KCNH1: variants seen among roughly 807,000 people sequenced by gnomAD.
KCNH1 encodes the protein potassium voltage-gated channel subfamily H member 1, also known as voltage-gated delayed rectifier potassium channel KCNH1.
In KCNH1, 27 loss-of-function variants were observed where a neutral mutation model predicts 69.2. That is an observed-to-expected ratio of 0.39 (90% confidence interval 0.29 to 0.54). The LOEUF (loss-of-function observed/expected upper bound fraction) is 0.54. Ranked by LOEUF, KCNH1 falls within the 20% of genes least tolerant of loss-of-function variation. The pLI, the probability that KCNH1 is intolerant of heterozygous loss-of-function variation, is 0.68. For missense variants in KCNH1, 798 were observed against 1,261.6 expected (o/e 0.63, Z 5.57); for synonymous variants, 456 against 487.7 (o/e 0.93, Z 0.86).
At chr1:210,795,782 A>G (rs559536425) in intron 9 of KCNH1, among the ~76,000 whole-genome samples, 1 of 152,220 alleles carries the variant, frequency 6.6e-6, no homozygotes, top group South Asian at 2.1e-4. Flanking sequence ...ACATGTCTGC[A>G]ATCTCTACCA....
intron 5 of KCNH1, among the ~76,000 whole-genome samples, chr1:211,058,268 G>A (rs1248993085): frequency 1.3e-5 from 2 of 152,160 alleles, no homozygotes; most frequent in Non-Finnish European, 2.9e-5. Flanking sequence ...GAAATTATCT[G>A]AAGGTACAAA....
intron 6 of KCNH1, among the ~76,000 whole-genome samples, chr1:211,010,123 A>G (rs1261661350): frequency 6.6e-6 from 1 of 152,190 alleles, no homozygotes; most frequent in Non-Finnish European, 1.5e-5. Context: ...TTCTCCAGTC[A>G]CATTCAGGGA....
At chr1:211,037,896 T>C (rs1012201644) in intron 5 of KCNH1, among the ~76,000 whole-genome samples, 5 of 152,060 alleles carry the variant, frequency 3.3e-5, no homozygotes, top group African/African-American at 9.7e-5. Flanking sequence ...ATTCTCATTA[T>C]AGTGAATAAG....
intron 6 of KCNH1, among the ~76,000 whole-genome samples, chr1:210,988,576 T>C (rs1181842690): frequency 6.6e-6 from 1 of 152,246 alleles, no homozygotes; most frequent in Non-Finnish European, 1.5e-5. Context: ...TATCTCCTGA[T>C]AGCAGGATAA....
chr1:210,874,230 A>C (rs977961781), intron 7 of KCNH1, among the ~76,000 whole-genome samples: 5 of 152,252 alleles, frequency 3.3e-5, no homozygotes, highest in African/African-American at 1.2e-4. Context: ...CAGGAAAGAC[A>C]GAAGAAACCT....
intron 10 of KCNH1, among the ~76,000 whole-genome samples, chr1:210,750,793 A>G (rs775919504): frequency 1.3e-5 from 2 of 152,136 alleles, no homozygotes; most frequent in Non-Finnish European, 2.9e-5. Context: ...TGTATCTTAC[A>G]CTCTCCAGAG....
intron 6 of KCNH1, among the ~76,000 whole-genome samples, chr1:211,002,567 C>G (rs1689209004): frequency 6.6e-6 from 1 of 151,804 alleles, no homozygotes; most frequent in Non-Finnish European, 1.5e-5. Flanking sequence ...AATAATTATC[C>G]TTAACATACT....
At chr1:210,770,444 C>T (rs1313671736) in intron 10 of KCNH1, among the ~76,000 whole-genome samples, 1 of 152,240 alleles carries the variant, frequency 6.6e-6, no homozygotes, top group Non-Finnish European at 1.5e-5. Flanking sequence ...AACTGAGGCT[C>T]TGAATGGTTA....
In KCNH1 at chr1:210,683,624, T is replaced by G; in HGVS notation, c.2627A>C (p.Lys876Thr). 2 of 1,614,212 alleles carry G rather than the reference T, an allele frequency of 1.2e-6. No individual in the cohort carries two copies. The highest frequency in any genetic ancestry group is 1.7e-6 in the Non-Finnish European group (2 of 1,180,036). ...GATGCCACTGTCACACGAGTCTGTCTTCTTCAGTGTGGCCTCGCCTGACGC... is the reference window on the plus strand; with the variant it reads ...GATGCCACTGTCACACGAGTCTGTCGTCTTCAGTGTGGCCTCGCCTGACGC... The part of the protein sequence containing the change: ...TKASGEATLK[K>T]TDSCDSGITK... Residue 876 changes from lysine (K) to threonine (T), a missense_variant, in exon 11 of 11, where the codon AAG becomes ACG. This residue lies in a region of KCNH1 where 331 missense variants were observed against 363.2 expected (regional missense o/e 0.91). Coordinates refer to ENST00000271751, the MANE Select transcript of KCNH1 (RefSeq NM_172362.3). This position sits in a 1 kb window ranked among gnomAD's most constrained non-coding sequence, Gnocchi z 5.7.
chr1:210,982,259 G>T (rs1688726508), intron 6 of KCNH1, among the ~76,000 whole-genome samples: 1 of 151,364 alleles, frequency 6.6e-6, no homozygotes, highest in Non-Finnish European at 1.5e-5. Flanking sequence ...TAAAGTTTTA[G>T]GGTACATAAG....
At position 210,683,254 on chromosome 1, in the gene KCNH1, C is replaced by T; in HGVS notation, c.*27G>A. The T allele has an allele frequency of 6.2e-7, 1 of 1,602,592 alleles. No individual in the cohort carries two copies. The highest frequency in any genetic ancestry group is 1.1e-5 in the South Asian group (1 of 89,584). On this transcript the variant is annotated 3_prime_UTR_variant, in exon 11 of 11. Transcript: ENST00000271751. The surrounding 1 kb of genome is among the most constrained non-coding windows in gnomAD (Gnocchi z 5.7). ...TGACGGCAGGGTTGGAGGTATCTGTCTCTGACTTTTTTTTTAAATAGACCT... is the reference window on the plus strand; with the variant it reads ...TGACGGCAGGGTTGGAGGTATCTGTTTCTGACTTTTTTTTTAAATAGACCT...
chr1:211,062,394 A>T (rs1031485131), intron 5 of KCNH1, among the ~76,000 whole-genome samples: 1 of 152,200 alleles, frequency 6.6e-6, no homozygotes, highest in African/African-American at 2.4e-5. Context: ...TCTCCAATAC[A>T]TTGGACTGGG....
At chr1:210,933,206 C>T (rs943568035) in intron 6 of KCNH1, among the ~76,000 whole-genome samples, 4 of 152,142 alleles carry the variant, frequency 2.6e-5, no homozygotes, top group Admixed American at 2.6e-4. Context: ...AGTTCATGTC[C>T]TTTGTAGGGA....
chr1:210,867,918 A>G (rs1686150270), intron 7 of KCNH1, among the ~76,000 whole-genome samples: 1 of 152,026 alleles, frequency 6.6e-6, no homozygotes. Flanking sequence ...TTTTGCACTC[A>G]TCTGCTTAAG....
intron 10 of KCNH1, among the ~76,000 whole-genome samples, chr1:210,726,741 G>A (rs1462985031): frequency 6.6e-6 from 1 of 152,202 alleles, no homozygotes; most frequent in Admixed American, 6.5e-5. Context: ...CTCACATACT[G>A]TAGTGAACCC....
rs893159253 is a variant in KCNH1, at chr1:211,102,858, AC to A, written c.310+637del. Among the ~76,000 whole-genome samples the A allele has an allele frequency of 9.2e-5, 14 of 152,080 alleles. 1 individual carries two copies. Among genetic ancestry groups the A allele is most frequent in the African/African-American group, 3.4e-4 (14 of 41,394 alleles). On this transcript the variant is annotated intron_variant, in intron 3 of 10. Transcript: ENST00000271751. ...AAAACAGAAACAAACCACTATTAAC[AC>A]CCATGCAGCCTTGCTAGGCCCATAT...
At chr1:210,766,179 C>T (rs1343902211) in intron 10 of KCNH1, among the ~76,000 whole-genome samples, 1 of 152,126 alleles carries the variant, frequency 6.6e-6, no homozygotes, top group East Asian at 1.9e-4. Context: ...CTGATTGACT[C>T]ATTCAATTAT....
intron 6 of KCNH1, among the ~76,000 whole-genome samples, chr1:211,013,590 G>A (rs1689439217): frequency 6.6e-6 from 1 of 152,182 alleles, no homozygotes; most frequent in South Asian, 2.1e-4. Flanking sequence ...GAAAGCACAA[G>A]CCCAGGAGTC....
At position 211,133,168 on chromosome 1, in the gene KCNH1, GAAA is replaced by G. The variant is rs1317617774; in HGVS notation, c.79+696_79+698del. On this transcript the variant is annotated intron_variant, in intron 1 of 10. Transcript: ENST00000271751. The surrounding 1 kb of genome is among the most constrained non-coding windows in gnomAD (Gnocchi z 5.4). The stretch of plus-strand genomic sequence containing the variant: ...AAACCGTTGTGGGTTTGGAAGAGGG[GAAA>G]TATAACAGGTTTGTACCTGTGACCA... 1 of 152,256 alleles carries G rather than the reference GAAA, an allele frequency of 6.6e-6. No homozygotes were observed. The highest frequency in any genetic ancestry group is 1.5e-5 in the Non-Finnish European group (1 of 68,098). The allele number at this position is 152,256 out of a possible 1,614,324, so 9.4% of individuals were successfully genotyped here. A position where few individuals can be genotyped will look rare whatever the true frequency, so the allele number is the denominator to read the frequency against.
Sources: allele counts gnomAD v4.1 joint callset (sites outside exome capture counted in the v4.1 genomes callset), GRCh38; gene constraint gnomAD v4.1.1; regional missense constraint gnomAD v4.1.1; non-coding constraint Gnocchi (gnomAD v3.1); transcripts MANE v1.5; gene names NCBI Gene and HGNC (gene_info 2026-07-23, HGNC 2026-07-21).